Variants in FOXN3 observed in about 807,000 individuals in gnomAD.
FOXN3 encodes the protein forkhead box protein N3.
In FOXN3, 7 loss-of-function variants were observed where a neutral mutation model predicts 38.4. The observed-to-expected ratio is 0.18, with a 90% confidence interval of 0.10 to 0.34. The LOEUF (loss-of-function observed/expected upper bound fraction) is 0.34. FOXN3 is among the 10% of genes least tolerant of loss of function. The pLI is 1.00. For missense variants in FOXN3, 456 were observed against 613.4 expected, an observed-to-expected ratio of 0.74 and a Z score of 2.71; for synonymous variants, 230 against 242.2, an observed-to-expected ratio of 0.95 and a Z score of 0.47.
chr14:89,472,869 A>G (rs985488528), intron 1 of FOXN3, among the ~76,000 whole-genome samples: 3 of 152,192 alleles, frequency 2.0e-5, no homozygotes, highest in Admixed American at 6.5e-5. Flanking sequence ...CTGAGCTCTC[A>G]AACAATTTCC....
intron 1 of FOXN3, among the ~76,000 whole-genome samples, chr14:89,462,400 G>T (rs913655026): frequency 1.3e-5 from 2 of 152,300 alleles, no homozygotes; most frequent in Admixed American, 1.3e-4. Flanking sequence ...TATTATTGGA[G>T]AATATATCTG....
chr14:89,168,474 T>G (rs1218211261), intron 5 of FOXN3, among the ~76,000 whole-genome samples: 1 of 151,578 alleles, frequency 6.6e-6, no homozygotes, highest in Non-Finnish European at 1.5e-5. Context: ...CAAAAATAAA[T>G]TAATTAATCT....
chr14:89,292,195 A>C (rs1886895336), intron 3 of FOXN3, among the ~76,000 whole-genome samples: 1 of 151,996 alleles, frequency 6.6e-6, no homozygotes, highest in Non-Finnish European at 1.5e-5. Flanking sequence ...TTCCTCTGGA[A>C]TCTTTCCTCC....
chr14:89,528,185 A>G (rs1894470245), intron 1 of FOXN3, among the ~76,000 whole-genome samples: 1 of 152,182 alleles, frequency 6.6e-6, no homozygotes, highest in African/African-American at 2.4e-5. Flanking sequence ...TAGACATGAA[A>G]GCATATGTCC....
At chr14:89,259,555 A>T (rs1885733225) in intron 4 of FOXN3, among the ~76,000 whole-genome samples, 1 of 152,110 alleles carries the variant, frequency 6.6e-6, no homozygotes. Context: ...CTTCCTTTAA[A>T]AAATAAAATA....
intron 3 of FOXN3, among the ~76,000 whole-genome samples, chr14:89,335,496 T>C (rs75351450): frequency 0.02 from 3,006 of 152,352 alleles, 112 homozygotes; most frequent in African/African-American, 0.066. Flanking sequence ...TCAGCAAATA[T>C]GCTATTTACA....
intron 3 of FOXN3, among the ~76,000 whole-genome samples, chr14:89,347,051 C>T (rs1033589800): frequency 1.3e-5 from 2 of 149,704 alleles, no homozygotes; most frequent in African/African-American, 4.9e-5. Context: ...TTACTTTCTG[C>T]TTCTCCATAT....
At chr14:89,313,556 T>TA (rs977913007) in intron 3 of FOXN3, among the ~76,000 whole-genome samples, 26 of 146,488 alleles carry the variant, frequency 1.8e-4, no homozygotes, top group South Asian at 6.5e-4. Flanking sequence ...GATGCTGTCT[T>TA]AAAAAAAAAA....
At chr14:89,341,128 G>T (rs1210540262) in intron 3 of FOXN3, among the ~76,000 whole-genome samples, 2 of 152,108 alleles carry the variant, frequency 1.3e-5, no homozygotes, top group Non-Finnish European at 2.9e-5. Flanking sequence ...ATCTTGGGAC[G>T]ACCCTGGCAG....
At chr14:89,183,124 G>A (rs1244795097) in intron 4 of FOXN3, among the ~76,000 whole-genome samples, 3 of 152,166 alleles carry the variant, frequency 2.0e-5, no homozygotes, top group Admixed American at 6.6e-5. Flanking sequence ...TGTCTAAAAC[G>A]ATAGGCTTTT....
At chr14:89,170,230 G>T (rs923099699) in intron 5 of FOXN3, among the ~76,000 whole-genome samples, 1 of 152,174 alleles carries the variant, frequency 6.6e-6, no homozygotes, top group African/African-American at 2.4e-5. Context: ...AAAATTGAAA[G>T]AGGTACAAGA....
chr14:89,303,252 C>T (rs1887274103), intron 3 of FOXN3, among the ~76,000 whole-genome samples: 1 of 152,044 alleles, frequency 6.6e-6, no homozygotes, highest in Admixed American at 6.6e-5. Context: ...TCCCTCACTC[C>T]CTTGTTTTCT....
At chr14:89,516,111 G>A (rs1366774432) in intron 1 of FOXN3, among the ~76,000 whole-genome samples, 5 of 150,584 alleles carry the variant, frequency 3.3e-5, no homozygotes, top group Non-Finnish European at 7.4e-5. Flanking sequence ...TGTGCATCTT[G>A]GGGAGGCAGC....
intron 1 of FOXN3, among the ~76,000 whole-genome samples, chr14:89,573,842 A>G (rs968748692): frequency 1.3e-5 from 2 of 152,082 alleles, no homozygotes; most frequent in African/African-American, 2.4e-5. Flanking sequence ...GACCAGCCTG[A>G]GCAACATGGG....
Position 89,555,875 on chromosome 14 carries a change from GTA to G in FOXN3, c.-15+63151_-15+63152del, listed in dbSNP as rs1212747682. On this transcript the variant is annotated intron_variant, in intron 1 of 6. Transcript: ENST00000345097. ...TGTGTGTGTGTGTGTGTGTGTGTGTGTATGTGGGGGTGTATGTGGGGGTGTGT... is the reference window on the plus strand; with the variant it reads ...TGTGTGTGTGTGTGTGTGTGTGTGTGTGTGGGGGTGTATGTGGGGGTGTGT... Among the ~76,000 whole-genome samples, 1,238 of 127,090 alleles carry G rather than the reference GTA, an allele frequency of 9.7e-3. 102 individuals carry two copies. The highest frequency in any genetic ancestry group is 0.033 in the East Asian group (114 of 3,498). 83.4% of individuals were successfully genotyped at this position (127,090 alleles called of 152,430 possible). A position where few individuals can be genotyped will look rare whatever the true frequency, so the allele number is the denominator to read the frequency against.
chr14:89,437,595 C>T (rs1286335749), intron 1 of FOXN3, among the ~76,000 whole-genome samples: 1 of 152,130 alleles, frequency 6.6e-6, no homozygotes, highest in Non-Finnish European at 1.5e-5. Flanking sequence ...CCCACCAGTG[C>T]CATGAGAGTT....
chr14:89,560,088 C>A (rs921762552), intron 1 of FOXN3, among the ~76,000 whole-genome samples: 1 of 152,136 alleles, frequency 6.6e-6, no homozygotes, highest in Non-Finnish European at 1.5e-5. Context: ...TACAATCATG[C>A]AGGAAGGTGA....
In FOXN3 at chr14:89,509,879, A is replaced by G. The variant is rs139354619; in HGVS notation, c.-14-97389T>C. On this transcript the variant is annotated intron_variant, in intron 1 of 6. Coordinates refer to the FOXN3 transcript ENST00000345097. ...AATAAATGACTTCTTCGAGATTTCAAAATGACCCATTGTGGCAGATTGCAG... is the reference window on the plus strand; with the variant it reads ...AATAAATGACTTCTTCGAGATTTCAGAATGACCCATTGTGGCAGATTGCAG... 4.7e-3 allele frequency among the ~76,000 whole-genome samples: 716 copies of G among 152,382 alleles called. 7 individuals are homozygous for G. Among genetic ancestry groups the G allele is most frequent in the African/African-American group, 0.016 (680 of 41,590 alleles).
At chr14:89,360,844 GCACCACCTCCACCACCACCTCCAC>G (rs1566966610) in intron 2 of FOXN3, among the ~76,000 whole-genome samples, 1 of 18,796 alleles carries the variant, frequency 5.3e-5, no homozygotes, top group Non-Finnish European at 8.8e-5. Flanking sequence ...ACCACCTCCA[GCACCACCTCCACCACCACCTCCAC>G]CACCACCTCC....
Sources: gnomAD v4.1 joint callset for allele counts (sites outside exome capture counted in the v4.1 genomes callset) on GRCh38, gnomAD v4.1.1 for gene constraint, MANE v1.5 for transcripts, NCBI Gene and HGNC (gene_info 2026-07-23, HGNC 2026-07-21) for gene names.